Variants in CHD6 observed in about 807,000 individuals in gnomAD.
CHD6 encodes chromodomain helicase DNA binding protein 6.
A neutral mutation model predicts 276.9 loss-of-function variants in CHD6; 50 were observed. The ratio of observed to expected loss-of-function variants is 0.18; its 90% CI spans 0.14 to 0.23. The LOEUF (loss-of-function observed/expected upper bound fraction) is 0.23. Among genes scored for constraint, CHD6 ranks in the 10% least tolerant of loss-of-function variants. The pLI, the probability that CHD6 is intolerant of heterozygous loss-of-function variation, is 1.00. For missense variants in CHD6, 2,564 were observed against 3,365.8 expected (o/e 0.76, Z 5.89); for synonymous variants, 1,173 against 1,229.3 (o/e 0.95, Z 0.96).
chr20:41,513,082 A>C, intron 4 of CHD6, 87 bp from the exon 5 acceptor site: 1 of 1,418,246 alleles, frequency 7.1e-7, no homozygotes, highest in Non-Finnish European at 9.9e-7. Context: ...ATTTACTAAC[A>C]TGCCAAGGAG....
At chr20:41,556,036 G>C (rs1179716801) in intron 1 of CHD6, among the ~76,000 whole-genome samples, 2 of 152,196 alleles carry the variant, frequency 1.3e-5, no homozygotes, top group African/African-American at 4.8e-5. Context: ...GATCACTCGC[G>C]GTTAGGAGCT....
At chr20:41,555,229 G>A (rs1184039814) in intron 1 of CHD6, among the ~76,000 whole-genome samples, 1 of 132,878 alleles carries the variant, frequency 7.5e-6, no homozygotes, top group African/African-American at 3.0e-5. Flanking sequence ...CTGGCCGGGT[G>A]GGGGGCTGAC....
chr20:41,612,679 C>T (rs377199705), intron 1 of CHD6, among the ~76,000 whole-genome samples: 4 of 152,264 alleles, frequency 2.6e-5, no homozygotes, highest in East Asian at 1.9e-4. Flanking sequence ...CAGACATAAT[C>T]CTTCAAAGTA....
rs780518732 is a variant in CHD6, at chr20:41,420,948, G to A, written c.5687C>T (p.Pro1896Leu). Residue 1896 changes from proline to leucine, a missense_variant, in exon 31 of 37, where the codon CCC (proline) becomes CTC (leucine). Coordinates refer to ENST00000373233, the MANE Select transcript of CHD6 (RefSeq NM_032221.5). ...CTTTTCCCTTGAGATGTTAGTAGTG[G>A]GCTCCGTGAGATGCAATACCTCTGG... Reference protein sequence around the residue: ...ERPEVLHLTEPTTNISREKNQ... With the variant: ...ERPEVLHLTELTTNISREKNQ... 6.2e-6 allele frequency: 10 copies of A among 1,614,128 alleles called. No individual in the cohort carries two copies. The South Asian group carries it at 9.9e-5, about 16-fold the overall frequency.
At chr20:41,508,267 C>T (rs1216685528) in intron 5 of CHD6, among the ~76,000 whole-genome samples, 1 of 152,026 alleles carries the variant, frequency 6.6e-6, no homozygotes, top group African/African-American at 2.4e-5. Flanking sequence ...AGAGAGAAAG[C>T]ATTACACAAA....
intron 3 of CHD6, among the ~76,000 whole-genome samples, chr20:41,531,871 G>C (rs1378715105): frequency 6.6e-6 from 1 of 152,132 alleles, no homozygotes; most frequent in Non-Finnish European, 1.5e-5. Context: ...ACCAACACAG[G>C]TGTGATGGCC....
chr20:41,513,373 T>C (rs1156301792), intron 4 of CHD6, among the ~76,000 whole-genome samples: 1 of 152,214 alleles, frequency 6.6e-6, no homozygotes, highest in African/African-American at 2.4e-5. Flanking sequence ...CTTCCAGCAC[T>C]TGGTGGAAGC....
At chr20:41,432,375 G>C (rs181558703) in intron 27 of CHD6, among the ~76,000 whole-genome samples, 405 of 152,138 alleles carry the variant, frequency 2.7e-3, no homozygotes, top group Middle Eastern at 6.8e-3. Context: ...GTGGTAATAG[G>C]GTACCCCATT....
chr20:41,607,103 A>G (rs1319606824), intron 1 of CHD6, among the ~76,000 whole-genome samples: 1 of 152,026 alleles, frequency 6.6e-6, no homozygotes, highest in Non-Finnish European at 1.5e-5. Flanking sequence ...ATGGCTCTCC[A>G]CCATACTCCA....
intron 1 of CHD6, among the ~76,000 whole-genome samples, chr20:41,559,901 ACT>A (rs73623237): frequency 1.4e-3 from 206 of 150,830 alleles, no homozygotes; most frequent in African/African-American, 4.8e-3. Context: ...ACACACACAC[ACT>A]CTCTCTACCT....
At chr20:41,512,815 C>T (rs2044153204) in intron 5 of CHD6, 31 bp downstream of exon 5, 1 of 1,612,542 alleles carries the variant, frequency 6.2e-7, no homozygotes, top group Non-Finnish European at 8.5e-7. Context: ...ACTGTCCAGC[C>T]AAGGTCAGTA....
chr20:41,511,415 C>A (rs1043898579), intron 5 of CHD6, among the ~76,000 whole-genome samples: 2 of 152,158 alleles, frequency 1.3e-5, no homozygotes, highest in Middle Eastern at 3.2e-3. Flanking sequence ...TTGGCACAGA[C>A]CTCTTTTTTT....
At chr20:41,479,169 CAG>C (rs2043235782) in intron 16 of CHD6, among the ~76,000 whole-genome samples, 1 of 151,958 alleles carries the variant, frequency 6.6e-6, no homozygotes, top group African/African-American at 2.4e-5. Context: ...TTTAAAAAAA[CAG>C]AGCCCATGGA....
At chr20:41,603,716 A>T (rs1276957219) in intron 1 of CHD6, among the ~76,000 whole-genome samples, 1 of 152,136 alleles carries the variant, frequency 6.6e-6, no homozygotes, top group Non-Finnish European at 1.5e-5. Flanking sequence ...AATACAAAAA[A>T]ATTAGCTAGG....
intron 22 of CHD6, among the ~76,000 whole-genome samples, chr20:41,451,463 AGGAAT>A (rs1472866786): frequency 6.6e-6 from 1 of 152,190 alleles, no homozygotes; most frequent in Non-Finnish European, 1.5e-5. Flanking sequence ...AGGATAGGGA[AGGAAT>A]GTAGCACAAG....
chr20:41,481,661 T>C (rs1041117690), intron 16 of CHD6, among the ~76,000 whole-genome samples: 1 of 152,080 alleles, frequency 6.6e-6, no homozygotes, highest in African/African-American at 2.4e-5. Context: ...GTGTATCAAA[T>C]GTTTTTAAAA....
At chr20:41,610,880 T>A (rs1198658214) in intron 1 of CHD6, among the ~76,000 whole-genome samples, 4 of 152,196 alleles carry the variant, frequency 2.6e-5, no homozygotes. Flanking sequence ...AACCCTATAG[T>A]CAGTAGTTTG....
intron 36 of CHD6, among the ~76,000 whole-genome samples, chr20:41,406,001 CAGTT>C (rs1319903964): frequency 6.6e-6 from 1 of 152,176 alleles, no homozygotes; most frequent in Non-Finnish European, 1.5e-5. Flanking sequence ...CAGGACATGT[CAGTT>C]AGCCTCTGAG....
At chr20:41,500,576 T>C (rs1045997396) in intron 5 of CHD6, among the ~76,000 whole-genome samples, 3 of 152,102 alleles carry the variant, frequency 2.0e-5, no homozygotes, top group African/African-American at 7.2e-5. Flanking sequence ...ATAATTACCA[T>C]ACAATAGAAG....
Sources: allele counts gnomAD v4.1 joint callset (sites outside exome capture counted in the v4.1 genomes callset), GRCh38; gene constraint gnomAD v4.1.1; transcripts MANE v1.5; gene names NCBI Gene and HGNC (gene_info 2026-07-23, HGNC 2026-07-21).